Variants in BMPR1B observed in about 807,000 individuals in gnomAD.
The protein encoded by BMPR1B is bone morphogenetic protein receptor type-1B.
A neutral mutation model predicts 59.1 loss-of-function variants in BMPR1B; 12 were observed. The ratio of observed to expected loss-of-function variants is 0.20; its 90% CI spans 0.13 to 0.33. BMPR1B has a LOEUF of 0.33. Among genes scored for constraint, BMPR1B ranks in the 10% least tolerant of loss-of-function variants. The pLI, the probability that BMPR1B is intolerant of heterozygous loss-of-function variation, is 1.00. For missense variants in BMPR1B, 550 were observed against 610.9 expected, an observed-to-expected ratio of 0.90 and a Z score of 1.05; for synonymous variants, 237 against 207.3, an observed-to-expected ratio of 1.14 and a Z score of -1.23.
intron 2 of BMPR1B, among the ~76,000 whole-genome samples, chr4:94,879,706 T>A (rs554844852): frequency 6.9e-4 from 105 of 152,298 alleles, no homozygotes; most frequent in African/African-American, 2.3e-3. Context: ...GATCTTTAAA[T>A]TTTTTTCCCC....
chr4:95,020,848 T>G (rs568248688), intron 3 of BMPR1B, among the ~76,000 whole-genome samples: 5 of 152,262 alleles, frequency 3.3e-5, no homozygotes, highest in African/African-American at 1.2e-4. Context: ...GTAGCTAGGA[T>G]TACAGGCACA....
At chr4:94,960,213 C>T (rs1016897414) in intron 2 of BMPR1B, among the ~76,000 whole-genome samples, 1 of 152,112 alleles carries the variant, frequency 6.6e-6, no homozygotes, top group Non-Finnish European at 1.5e-5. Context: ...AGAAAATGTC[C>T]TATCTGTATA....
At chr4:94,988,817 T>C (rs554000020) in intron 2 of BMPR1B, among the ~76,000 whole-genome samples, 28 of 152,222 alleles carry the variant, frequency 1.8e-4, no homozygotes, top group South Asian at 1.0e-3. Flanking sequence ...CTGTATGTGA[T>C]ATGCCTAATG....
intron 2 of BMPR1B, among the ~76,000 whole-genome samples, chr4:94,893,336 A>G (rs1298596015): frequency 1.3e-5 from 2 of 151,994 alleles, no homozygotes; most frequent in East Asian, 1.9e-4. Context: ...CTCTGTCTGT[A>G]GTAATGGACC....
rs1733596353 is a variant in BMPR1B at position 95,134,167 on chromosome 4, C to T, written c.1076+2655C>T. Among the ~76,000 whole-genome samples the T allele has an allele frequency of 2.0e-5, 3 of 152,146 alleles. No individual in the cohort carries two copies. The South Asian group carries it at 6.2e-4, about 32-fold the overall frequency. On this transcript the variant is annotated intron_variant, in intron 10 of 12. Coordinates refer to ENST00000515059, the MANE Select transcript of BMPR1B (RefSeq NM_001203.3). ...GATAGTTTGCTCAGAATGATGGTTT[C>T]CAGTTTCATCCATGTCCCTACAAAG...
intron 2 of BMPR1B, among the ~76,000 whole-genome samples, chr4:94,980,922 G>A (rs1041690315): frequency 1.3e-5 from 2 of 152,066 alleles, no homozygotes; most frequent in Non-Finnish European, 2.9e-5. Context: ...TTGAACCCAG[G>A]AGGCAGAGGT....
At chr4:95,128,810 G>T (rs1044627645) in intron 8 of BMPR1B, among the ~76,000 whole-genome samples, 3 of 151,866 alleles carry the variant, frequency 2.0e-5, no homozygotes, top group African/African-American at 7.3e-5. Context: ...GAGTTACTTG[G>T]CATTCTGTAT....
intron 1 of BMPR1B, among the ~76,000 whole-genome samples, chr4:94,829,775 C>G (rs1475338735): frequency 6.6e-6 from 1 of 152,128 alleles, no homozygotes; most frequent in African/African-American, 2.4e-5. Context: ...GGGATGATAC[C>G]TGTTATAATC....
chr4:95,143,587 G>C (rs1734412743), intron 10 of BMPR1B, among the ~76,000 whole-genome samples: 1 of 152,136 alleles, frequency 6.6e-6, no homozygotes, highest in Admixed American at 6.5e-5. Context: ...GAAGCCCTTT[G>C]ATTATCAATG....
At chr4:94,844,256 T>TGTGTGTGA (rs1725225162) in intron 1 of BMPR1B, among the ~76,000 whole-genome samples, 1 of 117,098 alleles carries the variant, frequency 8.5e-6, no homozygotes, top group African/African-American at 3.9e-5. Context: ...TGTGTGTGTG[T>TGTGTGTGA]GAATCTTCTA....
chr4:94,905,673 T>C (rs1728009668), intron 2 of BMPR1B, among the ~76,000 whole-genome samples: 1 of 152,010 alleles, frequency 6.6e-6, no homozygotes, highest in African/African-American at 2.4e-5. Flanking sequence ...TTCCTTTGCA[T>C]AGCCTGGCAG....
intron 3 of BMPR1B, among the ~76,000 whole-genome samples, chr4:95,044,117 G>C (rs1725866648): frequency 6.6e-6 from 1 of 152,124 alleles, no homozygotes. Context: ...ATTGAGACCT[G>C]GTTTATAACA....
intron 3 of BMPR1B, among the ~76,000 whole-genome samples, chr4:95,045,628 GCCTCC>G (rs746793356): frequency 4.6e-5 from 7 of 152,086 alleles, no homozygotes; most frequent in Non-Finnish European, 7.4e-5. Context: ...CAGTTCAAAT[GCCTCC>G]CCCACGCAAG....
At chr4:95,030,075 ACT>A (rs1174601029) in intron 3 of BMPR1B, among the ~76,000 whole-genome samples, 8 of 150,958 alleles carry the variant, frequency 5.3e-5, no homozygotes, top group African/African-American at 1.9e-4. Flanking sequence ...TTGCCTGTTC[ACT>A]CTGATGGTAG....
At position 95,126,044 on chromosome 4, in the gene BMPR1B, A is replaced by G. The variant is rs144011481; in HGVS notation, c.585+923A>G. On this transcript the variant is annotated intron_variant, in intron 8 of 12. Coordinates refer to ENST00000515059, the MANE Select transcript of BMPR1B (RefSeq NM_001203.3). ...TGGACATCACTCCAACTCATGGCTC[A>G]AGGCCTACCTCATGTTTTACCTCTG... Among the ~76,000 whole-genome samples the G allele has an allele frequency of 2.7e-3, 414 of 152,296 alleles. 3 individuals are homozygous for G. The highest frequency in any genetic ancestry group is 8.7e-3 in the African/African-American group (360 of 41,568).
chr4:94,886,919 A>T (rs1727189968), intron 2 of BMPR1B, among the ~76,000 whole-genome samples: 1 of 152,144 alleles, frequency 6.6e-6, no homozygotes, highest in African/African-American at 2.4e-5. Context: ...CCGAAAAAGA[A>T]ACTGGGAAGA....
intron 2 of BMPR1B, among the ~76,000 whole-genome samples, chr4:94,885,045 CCT>C (rs2148983729): frequency 6.6e-6 from 1 of 152,192 alleles, no homozygotes; most frequent in South Asian, 2.1e-4. Context: ...TGAGTCTGGC[CCT>C]CTCAGACCAG....
chr4:94,828,838 C>T (rs1228163321), intron 1 of BMPR1B, among the ~76,000 whole-genome samples: 1 of 152,106 alleles, frequency 6.6e-6, no homozygotes, highest in Non-Finnish European at 1.5e-5. Flanking sequence ...GTGAGAACCA[C>T]TGCACTAGGG....
chr4:95,106,394 G>A (rs528922968), intron 4 of BMPR1B, among the ~76,000 whole-genome samples: 1 of 152,180 alleles, frequency 6.6e-6, no homozygotes, highest in South Asian at 2.1e-4. Context: ...AAATTGAACA[G>A]TGGATTCAGT....
Sources: gnomAD v4.1 joint callset for allele counts (sites outside exome capture counted in the v4.1 genomes callset) on GRCh38, gnomAD v4.1.1 for gene constraint, MANE v1.5 for transcripts, NCBI Gene and HGNC (gene_info 2026-07-23, HGNC 2026-07-21) for gene names.